The following MBNL1 variants were observed in gnomAD, a reference collection of about 807,000 sequenced individuals.
The protein encoded by MBNL1 is muscleblind-like protein 1.
Under a neutral mutation model 42.2 loss-of-function variants are expected in MBNL1, and 8 were observed. The ratio of observed to expected loss-of-function variants is 0.19; its 90% CI spans 0.11 to 0.34. The LOEUF (loss-of-function observed/expected upper bound fraction) is 0.34. Ranked by LOEUF, MBNL1 falls within the 10% of genes least tolerant of loss-of-function variation. The pLI is 1.00. For synonymous variants in MBNL1, 169 were observed against 173.9 expected (o/e 0.97, Z 0.22); for missense variants, 309 against 495.3 (o/e 0.62, Z 3.57).
Position 152,429,792 on chromosome 3 carries a change from T to TTGTG in MBNL1, c.346-2907_346-2904dup, listed in dbSNP as rs375863735. Among the ~76,000 whole-genome samples, 773 of 149,698 alleles carry TTGTG rather than the reference T, an allele frequency of 5.2e-3. 7 individuals carry two copies. The highest frequency in any genetic ancestry group is 0.018 in the African/African-American group (732 of 40,900). On this transcript the variant is annotated intron_variant, in intron 3 of 9. Coordinates refer to ENST00000324210, the MANE Select transcript of MBNL1 (RefSeq NM_021038.5). ...AAATAAATGAAGGAATGGTGTGTGT[T>TTGTG]TGTGTGTGTGTGTGTGTGTGTCTGT...
chr3:152,433,622 C>T (rs9852711), intron 4 of MBNL1, among the ~76,000 whole-genome samples: 3,436 of 151,768 alleles, frequency 0.023, 59 homozygotes, highest in South Asian at 0.056. Context: ...TGGTAGCGGG[C>T]GCCTGTAGTC....
intron 2 of MBNL1, chr3:152,302,446 C>T (rs1198097472): frequency 6.6e-6 from 1 of 151,858 alleles, no homozygotes; most frequent in Non-Finnish European, 1.5e-5. Flanking sequence ...AGCATTAAAA[C>T]AATTTTGAAT....
At chr3:152,450,110 A>T (rs1719252047) in intron 6 of MBNL1, among the ~76,000 whole-genome samples, 1 of 151,340 alleles carries the variant, frequency 6.6e-6, no homozygotes. Context: ...CAAAAAAAAA[A>T]AAAAAAAACC....
At chr3:152,324,421 T>C (rs1314517711) in intron 2 of MBNL1, among the ~76,000 whole-genome samples, 1 of 152,276 alleles carries the variant, frequency 6.6e-6, no homozygotes, top group East Asian at 1.9e-4. Context: ...GTATAGCTTG[T>C]TGAAGGTTAC....
intron 2 of MBNL1, among the ~76,000 whole-genome samples, chr3:152,414,347 T>C (rs1386153071): frequency 1.3e-5 from 2 of 152,246 alleles, no homozygotes; most frequent in East Asian, 3.8e-4. Flanking sequence ...TTCATTATAC[T>C]TATTAATCTC....
At chr3:152,385,350 C>T (rs1024533182) in intron 2 of MBNL1, among the ~76,000 whole-genome samples, 1 of 152,002 alleles carries the variant, frequency 6.6e-6, no homozygotes, top group East Asian at 1.9e-4. Flanking sequence ...AGGACTGGTA[C>T]TCTCAGATAC....
At chr3:152,318,091 T>C (rs950499287) in intron 2 of MBNL1, among the ~76,000 whole-genome samples, 1 of 152,228 alleles carries the variant, frequency 6.6e-6, no homozygotes, top group East Asian at 1.9e-4. Flanking sequence ...CCTTAGCCTG[T>C]AGTATATTTT....
intron 8 of MBNL1, 59 bp downstream of exon 8, chr3:152,456,420 A>G: frequency 7.3e-7 from 1 of 1,368,300 alleles, no homozygotes; most frequent in Non-Finnish European, 1.0e-6. Context: ...TCAATCCAAC[A>G]GCCCTTACGC....
rs532763888 is a variant in MBNL1 at position 152,449,976 on chromosome 3, A to G, written c.961+2203A>G. Among the ~76,000 whole-genome samples, 383 of 151,938 alleles carry G rather than the reference A, an allele frequency of 2.5e-3. 5 individuals are homozygous for G. Among genetic ancestry groups the G allele is most frequent in the Non-Finnish European group, 1.3e-3 (89 of 67,952 alleles). ...AAAAATTAGCCGGATGTGGTGATGCATGCCTGTAATCCCAGCTACTTGGGA... is the reference window on the plus strand; with the variant it reads ...AAAAATTAGCCGGATGTGGTGATGCGTGCCTGTAATCCCAGCTACTTGGGA... On this transcript the variant is annotated intron_variant, in intron 6 of 9. Coordinates refer to ENST00000324210, the MANE Select transcript of MBNL1 (RefSeq NM_021038.5).
intron 3 of MBNL1, among the ~76,000 whole-genome samples, chr3:152,418,943 C>T (rs11928228): frequency 0.071 from 10,818 of 152,066 alleles, 508 homozygotes; most frequent in Middle Eastern, 0.16. Flanking sequence ...GTCTTGATCT[C>T]CTGACCTTGT....
At chr3:152,306,587 G>C (rs756437656) in intron 2 of MBNL1, among the ~76,000 whole-genome samples, 2 of 152,052 alleles carry the variant, frequency 1.3e-5, no homozygotes, top group Non-Finnish European at 2.9e-5. Context: ...GGGATTGCTA[G>C]GAAGTATTTT....
At chr3:152,435,943 G>T (rs1170101478) in intron 4 of MBNL1, among the ~76,000 whole-genome samples, 2 of 152,128 alleles carry the variant, frequency 1.3e-5, no homozygotes, top group Non-Finnish European at 2.9e-5. Flanking sequence ...GAGCTTTTGG[G>T]CCGAGACTAT....
intron 3 of MBNL1, among the ~76,000 whole-genome samples, chr3:152,425,594 A>G (rs1024394848): frequency 2.0e-5 from 3 of 151,630 alleles, no homozygotes; most frequent in Non-Finnish European, 4.4e-5. Flanking sequence ...GGTAACAGAG[A>G]GAGGATCTGT....
At chr3:152,401,802 G>A (rs2098233634) in intron 2 of MBNL1, among the ~76,000 whole-genome samples, 1 of 152,102 alleles carries the variant, frequency 6.6e-6, no homozygotes, top group Non-Finnish European at 1.5e-5. Context: ...GAGGTGGGCA[G>A]ATCACGAGGT....
At chr3:152,381,894 G>A (rs1040609525) in intron 2 of MBNL1, among the ~76,000 whole-genome samples, 1 of 152,054 alleles carries the variant, frequency 6.6e-6, no homozygotes, top group African/African-American at 2.4e-5. Flanking sequence ...ATAATTGCTT[G>A]ATTAACCTAT....
intron 2 of MBNL1, among the ~76,000 whole-genome samples, chr3:152,257,567 C>T (rs958507158): frequency 6.6e-6 from 1 of 151,914 alleles, no homozygotes; most frequent in Non-Finnish European, 1.5e-5. Flanking sequence ...TTTAGTGGCC[C>T]AAGCATTTGT....
At chr3:152,289,950 G>A (rs2054902926) in intron 1 of MBNL1, among the ~76,000 whole-genome samples, 1 of 151,402 alleles carries the variant, frequency 6.6e-6, no homozygotes, top group Non-Finnish European at 1.5e-5. Context: ...ATACTCATTC[G>A]TCATTGGTTT....
chr3:152,349,196 A>G (rs1333997101), intron 2 of MBNL1, among the ~76,000 whole-genome samples: 1 of 152,122 alleles, frequency 6.6e-6, no homozygotes, highest in African/African-American at 2.4e-5. Flanking sequence ...GGCACACTGT[A>G]CATGTTTGAA....
At chr3:152,317,855 T>G (rs760497676) in intron 2 of MBNL1, among the ~76,000 whole-genome samples, 6 of 152,260 alleles carry the variant, frequency 3.9e-5, no homozygotes, top group Non-Finnish European at 8.8e-5. Flanking sequence ...TTCGTTCATT[T>G]GGTCATTTAC....
Sources: gnomAD v4.1 joint callset for allele counts (sites outside exome capture counted in the v4.1 genomes callset) on GRCh38, gnomAD v4.1.1 for gene constraint, MANE v1.5 for transcripts, NCBI Gene and HGNC (gene_info 2026-07-23, HGNC 2026-07-21) for gene names.